The following RBFOX1 variants were observed in gnomAD, a reference collection of about 807,000 sequenced individuals.
The protein encoded by RBFOX1 is RNA binding protein fox-1 homolog 1.
A neutral mutation model predicts 57.7 loss-of-function variants in RBFOX1; 8 were observed. The ratio of observed to expected loss-of-function variants is 0.14; its 90% CI spans 0.08 to 0.25. The LOEUF (loss-of-function observed/expected upper bound fraction) is 0.25, where lower values mean the gene tolerates loss of function less well. Ranked by LOEUF, RBFOX1 falls within the 10% of genes least tolerant of loss-of-function variation. RBFOX1 has a pLI of 1.00. For synonymous variants in RBFOX1, 326 were observed against 222.4 expected, an observed-to-expected ratio of 1.47 and a Z score of -4.15; for missense variants, 611 against 548.5, an observed-to-expected ratio of 1.11 and a Z score of -1.14.
At chr16:7,663,936 C>G (rs542147049) in intron 12 of RBFOX1, among the ~76,000 whole-genome samples, 2 of 152,254 alleles carry the variant, frequency 1.3e-5, no homozygotes, top group East Asian at 3.9e-4. Context: ...TACCAAAAAG[C>G]TTCTGGGGAA....
chr16:5,357,528 G>A (rs566308759), intron 1 of RBFOX1, among the ~76,000 whole-genome samples: 17 of 152,188 alleles, frequency 1.1e-4, no homozygotes, highest in Non-Finnish European at 2.2e-4. Context: ...GATCTCAAAG[G>A]TTAATGTGCA....
At position 7,235,314 on chromosome 16, in the gene RBFOX1, G is replaced by A. The variant is rs555368472; in HGVS notation, c.27+183216G>A. Among the ~76,000 whole-genome samples, 3 of 152,306 alleles carry A rather than the reference G, an allele frequency of 2.0e-5. No homozygotes were observed. In the South Asian group the frequency reaches 6.2e-4, roughly 32 times the overall value. ...CATTATTGACTAAGTGTGGCAACCA[G>A]TGTGACCATTCCCTAGTGGTATTTT... On this transcript the variant is annotated intron_variant, in intron 4 of 15. Coordinates refer to ENST00000550418, the MANE Select transcript of RBFOX1 (RefSeq NM_018723.4).
intron 2 of RBFOX1, among the ~76,000 whole-genome samples, chr16:6,520,803 C>T (rs2096483974): frequency 6.6e-6 from 1 of 152,104 alleles, no homozygotes; most frequent in Non-Finnish European, 1.5e-5. Flanking sequence ...ATTAACCCCA[C>T]AAAGCAGGTA....
chr16:6,464,929 C>G (rs1246254719), intron 2 of RBFOX1, among the ~76,000 whole-genome samples: 1 of 152,230 alleles, frequency 6.6e-6, no homozygotes, highest in South Asian at 2.1e-4. Flanking sequence ...CTGGAGCTAT[C>G]ATTTATTAGC....
chr16:5,942,648 G>A (rs899726237), intron 4 of RBFOX1, among the ~76,000 whole-genome samples: 2 of 152,000 alleles, frequency 1.3e-5, no homozygotes, highest in African/African-American at 2.4e-5. Context: ...GTTTTGATAA[G>A]GTCTATTATG....
intron 3 of RBFOX1, among the ~76,000 whole-genome samples, chr16:6,686,507 A>G (rs2059456638): frequency 2.0e-5 from 3 of 152,176 alleles, no homozygotes; most frequent in South Asian, 4.1e-4. Context: ...GTTCTGTGAA[A>G]TTGGTGTTCT....
At chr16:7,084,614 G>C (rs2059704248) in intron 4 of RBFOX1, among the ~76,000 whole-genome samples, 1 of 152,184 alleles carries the variant, frequency 6.6e-6, no homozygotes, top group Non-Finnish European at 1.5e-5. Flanking sequence ...AAGGATTTCA[G>C]AGGTGGTGAT....
intron 3 of RBFOX1, among the ~76,000 whole-genome samples, chr16:5,708,077 C>G (rs1355756070): frequency 1.3e-5 from 2 of 152,068 alleles, no homozygotes; most frequent in African/African-American, 2.4e-5. Flanking sequence ...CTGTCCATAC[C>G]AAACAAGACG....
chr16:6,417,552 G>T (rs140774472), intron 2 of RBFOX1, among the ~76,000 whole-genome samples: 38 of 150,906 alleles, frequency 2.5e-4, no homozygotes, highest in African/African-American at 8.8e-4. Flanking sequence ...ACCATGCCTG[G>T]CTAGTTTTTA....
At chr16:6,262,930 C>T (rs1432644527) in intron 1 of RBFOX1, among the ~76,000 whole-genome samples, 1 of 152,136 alleles carries the variant, frequency 6.6e-6, no homozygotes, top group African/African-American at 2.4e-5. Flanking sequence ...TGCAAAGAGG[C>T]ACTGAGGCCG....
At chr16:5,863,154 A>G (rs2057264888) in intron 3 of RBFOX1, among the ~76,000 whole-genome samples, 1 of 152,188 alleles carries the variant, frequency 6.6e-6, no homozygotes, top group Non-Finnish European at 1.5e-5. Flanking sequence ...AATCACGTCC[A>G]CTGAGTTCCT....
rs976402577 is a variant in RBFOX1, at chr16:6,808,081, A to G, written c.-16+153431A>G. 2.0e-5 allele frequency among the ~76,000 whole-genome samples: 3 copies of G among 150,670 alleles called. No homozygotes were observed. In the Admixed American group the frequency reaches 2.0e-4, roughly 10 times the overall value. On this transcript the variant is annotated intron_variant, in intron 3 of 15. Coordinates refer to ENST00000550418, the MANE Select transcript of RBFOX1 (RefSeq NM_018723.4). ...ACAATAGAACTATATATATATAATC[A>G]TACTCAATAGAACTAGATATATATA...
chr16:6,529,563 A>G (rs2096627855), intron 2 of RBFOX1, among the ~76,000 whole-genome samples: 2 of 95,974 alleles, frequency 2.1e-5, no homozygotes, highest in South Asian at 3.5e-4. Context: ...TCAAATAATA[A>G]TAATAATTAT....
chr16:6,694,031 G>T (rs2060654377), intron 3 of RBFOX1, among the ~76,000 whole-genome samples: 1 of 152,128 alleles, frequency 6.6e-6, no homozygotes, highest in African/African-American at 2.4e-5. Context: ...TGTAATATAG[G>T]CATGTGTTTG....
intron 4 of RBFOX1, among the ~76,000 whole-genome samples, chr16:7,196,376 C>A (rs763245401): frequency 1.2e-4 from 19 of 152,166 alleles, no homozygotes; most frequent in Non-Finnish European, 2.4e-4. Context: ...CCCCCTCTCC[C>A]CAGCCCCATT....
intron 4 of RBFOX1, among the ~76,000 whole-genome samples, chr16:7,397,536 A>G (rs1036567191): frequency 6.6e-6 from 1 of 152,212 alleles, no homozygotes; most frequent in South Asian, 2.1e-4. Flanking sequence ...CAGAGCCTCC[A>G]GTTTTTTTCT....
chr16:6,193,069 A>T (rs934888319), intron 1 of RBFOX1, among the ~76,000 whole-genome samples: 2 of 152,118 alleles, frequency 1.3e-5, no homozygotes, highest in African/African-American at 4.8e-5. Flanking sequence ...GCAGTTTGTG[A>T]CGTACCTCCC....
At chr16:6,187,725 G>C (rs1290794377) in intron 1 of RBFOX1, among the ~76,000 whole-genome samples, 3 of 152,164 alleles carry the variant, frequency 2.0e-5, no homozygotes, top group Non-Finnish European at 4.4e-5. Flanking sequence ...GTAACTGCTT[G>C]GATTTGATGG....
chr16:7,516,710 A>G (rs1378418374), intron 4 of RBFOX1, among the ~76,000 whole-genome samples: 2 of 152,294 alleles, frequency 1.3e-5, no homozygotes, highest in South Asian at 2.1e-4. Context: ...GATGGGAATG[A>G]TTTACTTGTA....
Sources: gnomAD v4.1 joint callset for allele counts (sites outside exome capture counted in the v4.1 genomes callset) on GRCh38, gnomAD v4.1.1 for gene constraint, MANE v1.5 for transcripts, NCBI Gene and HGNC (gene_info 2026-07-23, HGNC 2026-07-21) for gene names.